Variants in RAB27B observed in about 807,000 individuals in gnomAD.
RAB27B encodes ras-related protein Rab-27B.
A neutral mutation model predicts 24.6 loss-of-function variants in RAB27B; 15 were observed. The observed-to-expected ratio is 0.61, with a 90% CI of 0.41 to 0.94. The LOEUF is 0.94. RAB27B is among the 40% of genes least tolerant of loss of function. The probability of loss-of-function intolerance (pLI) is 0.00; values close to 1 mark genes in which losing one functional copy is unlikely to be tolerated. For missense variants in RAB27B, 261 were observed against 266.8 expected (o/e 0.98, Z 0.15); for synonymous variants, 105 against 92.5 (o/e 1.14, Z -0.78).
intron 2 of RAB27B, among the ~76,000 whole-genome samples, chr18:54,780,326 G>T (rs1238735614): frequency 4.0e-5 from 4 of 99,524 alleles, no homozygotes; most frequent in South Asian, 4.0e-4. Context: ...TGAAGGCTTC[G>T]CCTCACCGTG....
intron 2 of RAB27B, among the ~76,000 whole-genome samples, chr18:54,768,203 TC>T (rs542245469): frequency 1.1e-3 from 160 of 151,758 alleles, no homozygotes; most frequent in African/African-American, 3.8e-3. Context: ...TAACAGCAAA[TC>T]AAAAAGAGGG....
At chr18:54,835,285 G>A (rs1487200896) in intron 1 of RAB27B, among the ~76,000 whole-genome samples, 3 of 151,888 alleles carry the variant, frequency 2.0e-5, no homozygotes, top group Admixed American at 6.5e-5. Context: ...AGTAACTTAA[G>A]CCTCTAATTT....
At chr18:54,750,739 A>G (rs933317667) in intron 2 of RAB27B, among the ~76,000 whole-genome samples, 6 of 152,198 alleles carry the variant, frequency 3.9e-5, no homozygotes, top group Non-Finnish European at 8.8e-5. Context: ...GATTAATTAT[A>G]ATACCATGTT....
chr18:54,866,745 A>G (rs1912243961), intron 1 of RAB27B, among the ~76,000 whole-genome samples: 2 of 152,158 alleles, frequency 1.3e-5, no homozygotes, highest in South Asian at 2.1e-4. Flanking sequence ...TGGCCAGTTT[A>G]TGCCTGACTG....
chr18:54,833,814 G>A (rs752128873), intron 1 of RAB27B, among the ~76,000 whole-genome samples: 28 of 152,176 alleles, frequency 1.8e-4, no homozygotes, highest in Non-Finnish European at 3.7e-4. Flanking sequence ...CTGGGAAAGA[G>A]CTTGGAGCGT....
chr18:54,818,520 T>C (rs1910190924), intron 2 of RAB27B, among the ~76,000 whole-genome samples: 1 of 152,158 alleles, frequency 6.6e-6, no homozygotes, highest in Admixed American at 6.5e-5. Context: ...TTGTTGTCCC[T>C]ACTCCAGGGC....
chr18:54,872,112 G>C (rs1454639064), intron 1 of RAB27B, among the ~76,000 whole-genome samples: 1 of 152,100 alleles, frequency 6.6e-6, no homozygotes, highest in East Asian at 1.9e-4. Context: ...GGTGATGAGA[G>C]TATGTTAGAT....
In RAB27B at chr18:54,894,250, T is replaced by C. The variant is rs1030721080; in HGVS notation, c.*4837T>C. On this transcript the variant is annotated 3_prime_UTR_variant, in exon 6 of 6. Transcript: ENST00000262094. ...TAGTGCCAAAATAGTGGAACTATTTTGTCATCTTTTGAGAAAAAAATATAC... is the reference window on the plus strand; with the variant it reads ...TAGTGCCAAAATAGTGGAACTATTTCGTCATCTTTTGAGAAAAAAATATAC... 2.0e-5 allele frequency: 3 copies of C among 151,948 alleles called. No individual in the cohort carries two copies. Among genetic ancestry groups the C allele is most frequent in the African/African-American group, 7.2e-5 (3 of 41,412 alleles). The allele number at this position is 151,948 out of a possible 1,614,324, so 9.4% of individuals were successfully genotyped here.
intron 2 of RAB27B, among the ~76,000 whole-genome samples, chr18:54,782,305 A>G (rs1231856691): frequency 1.3e-5 from 2 of 152,246 alleles, no homozygotes; most frequent in Non-Finnish European, 2.9e-5. Context: ...TTTGACTTCA[A>G]GAAGTTACTG....
chr18:54,874,709 T>C (rs529440498), intron 1 of RAB27B, among the ~76,000 whole-genome samples: 2 of 152,202 alleles, frequency 1.3e-5, no homozygotes, highest in Non-Finnish European at 2.9e-5. Flanking sequence ...GCTAAAAAAA[T>C]TAAGGCTTTT....
chr18:54,766,896 G>A (rs1461273697), intron 2 of RAB27B, among the ~76,000 whole-genome samples: 2 of 152,182 alleles, frequency 1.3e-5, no homozygotes, highest in African/African-American at 2.4e-5. Context: ...GCATTGTAAT[G>A]TGACTTTTCT....
intron 2 of RAB27B, among the ~76,000 whole-genome samples, chr18:54,723,864 G>GA (rs1180340792): frequency 1.3e-5 from 2 of 151,916 alleles, no homozygotes; most frequent in African/African-American, 4.8e-5. Context: ...GTGTCACTAC[G>GA]AATTAATCTA....
intron 2 of RAB27B, among the ~76,000 whole-genome samples, chr18:54,724,157 T>C (rs28572052): frequency 0.14 from 21,956 of 151,490 alleles, 2,314 homozygotes; most frequent in African/African-American, 0.23. Flanking sequence ...TAAAACTGGC[T>C]GAGTCTCACA....
intron 2 of RAB27B, among the ~76,000 whole-genome samples, chr18:54,770,323 C>G (rs1908503215): frequency 6.6e-6 from 1 of 152,086 alleles, no homozygotes; most frequent in Non-Finnish European, 1.5e-5. Context: ...CGCCCAAGCT[C>G]CACCTCCTGT....
At chr18:54,784,998 G>C (rs938002170) in intron 2 of RAB27B, among the ~76,000 whole-genome samples, 10 of 151,988 alleles carry the variant, frequency 6.6e-5, no homozygotes, top group Non-Finnish European at 1.5e-4. Flanking sequence ...TATGCCCTTT[G>C]CCCCCTCCCC....
chr18:54,739,439 A>T (rs1158513420), intron 2 of RAB27B, among the ~76,000 whole-genome samples: 2 of 147,462 alleles, frequency 1.4e-5, no homozygotes, highest in Non-Finnish European at 3.0e-5. Context: ...CTGGGCAACA[A>T]GAGCGAAACT....
intron 2 of RAB27B, among the ~76,000 whole-genome samples, chr18:54,801,894 T>A (rs1833280): frequency 0.34 from 51,781 of 151,976 alleles, 9,113 homozygotes; most frequent in East Asian, 0.42. Flanking sequence ...TCAGTCCTAT[T>A]TTTTTTAGTG....
chr18:54,773,577 G>T (rs1439863951), intron 2 of RAB27B, among the ~76,000 whole-genome samples: 1 of 152,156 alleles, frequency 6.6e-6, no homozygotes, highest in Non-Finnish European at 1.5e-5. Flanking sequence ...ACTATCTTAG[G>T]TGTTATAGAT....
At chr18:54,827,295 G>T (rs1312840783), upstream of RAB27B, among the ~76,000 whole-genome samples, 1 of 152,164 alleles carries the variant, frequency 6.6e-6, no homozygotes, top group Non-Finnish European at 1.5e-5. Flanking sequence ...AACTTACTGT[G>T]CCAGGCACGT....
Sources: allele counts gnomAD v4.1 joint callset (sites outside exome capture counted in the v4.1 genomes callset), GRCh38; gene constraint gnomAD v4.1.1; transcripts MANE v1.5; gene names NCBI Gene and HGNC (gene_info 2026-07-23, HGNC 2026-07-21).